TAFA2: variants seen among roughly 807,000 people sequenced by gnomAD.
The protein encoded by TAFA2 is chemokine-like protein TAFA-2.
Under a neutral mutation model 18.8 loss-of-function variants are expected in TAFA2, and 7 were observed. The ratio of observed to expected loss-of-function variants is 0.37; its 90% CI spans 0.21 to 0.70. The LOEUF (loss-of-function observed/expected upper bound fraction) is 0.70, where lower values mean the gene tolerates loss of function less well. Among genes scored for constraint, TAFA2 ranks in the 30% least tolerant of loss-of-function variants. TAFA2 has a pLI of 0.53. For missense variants in TAFA2, 122 were observed against 158.1 expected, an observed-to-expected ratio of 0.77 and a Z score of 1.23; for synonymous variants, 60 against 54.2, an observed-to-expected ratio of 1.11 and a Z score of -0.47.
chr12:61,783,975 G>A (rs2120895399), intron 2 of TAFA2, among the ~76,000 whole-genome samples: 1 of 151,620 alleles, frequency 6.6e-6, no homozygotes, highest in Non-Finnish European at 1.5e-5. Context: ...ATCAGATGAT[G>A]TATAAGTGGA....
intron 1 of TAFA2, 117 bp from the exon 2 acceptor site, chr12:61,867,543 G>A: frequency 3.3e-6 from 2 of 608,416 alleles, no homozygotes; most frequent in South Asian, 2.0e-5. Flanking sequence ...TCTGAAAACT[G>A]TATTTCTTGT....
rs187230168 is a variant in TAFA2, at chr12:61,785,753, C to T, written c.107-30729G>A. Among the ~76,000 whole-genome samples, 673 of 151,516 alleles carry T rather than the reference C, an allele frequency of 4.4e-3. 4 individuals carry two copies. The highest frequency in any genetic ancestry group is 8.2e-3 in the Non-Finnish European group (555 of 67,684). ...AAAAATTAATGTCTTATATATATGA[C>T]CATAAGCATGCTCTATGATGTTCAC... On this transcript the variant is annotated intron_variant, in intron 2 of 4. Transcript: ENST00000416284.
rs1029638977 is a variant in TAFA2 at position 61,883,868 on chromosome 12, A to G, written c.-1-16442T>C. 3.3e-5 allele frequency among the ~76,000 whole-genome samples: 5 copies of G among 152,214 alleles called. No individual in the cohort carries two copies. In the East Asian group the frequency reaches 7.7e-4, roughly 23 times the overall value. On this transcript the variant is annotated intron_variant, in intron 1 of 4. Transcript: ENST00000416284. ...TGACCTTCTCAAATCCTTGAGTTGG[A>G]AAAACTCATGACTGAATGAACAGAT...
chr12:61,995,599 G>A (rs1482684342), intron 1 of TAFA2, among the ~76,000 whole-genome samples: 1 of 152,052 alleles, frequency 6.6e-6, no homozygotes, highest in Non-Finnish European at 1.5e-5. Context: ...GGTTCATAGG[G>A]TACTCAGCAA....
intron 2 of TAFA2, among the ~76,000 whole-genome samples, chr12:61,793,343 A>G (rs77030507): frequency 4.7e-4 from 71 of 151,600 alleles, no homozygotes; most frequent in African/African-American, 1.3e-3. Context: ...ATTCAATAAA[A>G]TTCATAAACT....
intron 4 of TAFA2, among the ~76,000 whole-genome samples, chr12:61,721,727 G>T (rs562947641): frequency 3.9e-5 from 6 of 152,174 alleles, no homozygotes; most frequent in African/African-American, 1.4e-4. Context: ...AGGCCAACGC[G>T]GGTGGATCAC....
chr12:62,156,654 G>C (rs561771003), intron 1 of TAFA2, among the ~76,000 whole-genome samples: 91 of 152,188 alleles, frequency 6.0e-4, no homozygotes, highest in African/African-American at 2.1e-3. Flanking sequence ...CATTTGCAGC[G>C]ACCTGGATGA....
intron 2 of TAFA2, among the ~76,000 whole-genome samples, chr12:61,861,354 G>A (rs1874120679): frequency 6.7e-6 from 1 of 150,160 alleles, no homozygotes; most frequent in Non-Finnish European, 1.5e-5. Flanking sequence ...CTTGAAAGCA[G>A]TCCTCCCGCC....
chr12:61,844,473 T>G (rs552265490), intron 2 of TAFA2, among the ~76,000 whole-genome samples: 3 of 152,142 alleles, frequency 2.0e-5, no homozygotes, highest in Non-Finnish European at 4.4e-5. Context: ...TTTCAAATGA[T>G]TATTAATTCT....
At chr12:61,957,524 C>T (rs10877770) in intron 1 of TAFA2, among the ~76,000 whole-genome samples, 2,323 of 152,112 alleles carry the variant, frequency 0.015, 50 homozygotes, top group African/African-American at 0.053. Context: ...GGTTAGATAT[C>T]AAAGTTGATC....
At chr12:62,025,025 C>T (rs1026641991) in intron 1 of TAFA2, among the ~76,000 whole-genome samples, 1 of 152,136 alleles carries the variant, frequency 6.6e-6, no homozygotes, top group African/African-American at 2.4e-5. Flanking sequence ...ATTAATTCAG[C>T]CATTGTGGAA....
At chr12:62,212,477 C>T (rs2062718126) in intron 1 of TAFA2, among the ~76,000 whole-genome samples, 1 of 152,202 alleles carries the variant, frequency 6.6e-6, no homozygotes, top group Non-Finnish European at 1.5e-5. Context: ...GGAATAACTC[C>T]TTTCTGCCCC....
chr12:62,105,860 C>T (rs1869425358), intron 1 of TAFA2, among the ~76,000 whole-genome samples: 1 of 152,154 alleles, frequency 6.6e-6, no homozygotes, highest in Non-Finnish European at 1.5e-5. Flanking sequence ...TGAGACCTTT[C>T]TTTAGAGGGC....
chr12:61,892,151 C>T (rs762523473), intron 1 of TAFA2, among the ~76,000 whole-genome samples: 3 of 151,572 alleles, frequency 2.0e-5, no homozygotes, highest in Non-Finnish European at 2.9e-5. Flanking sequence ...GACCTTAGAA[C>T]TTGGTCAGAG....
At chr12:61,787,671 G>A (rs1235650722) in intron 2 of TAFA2, among the ~76,000 whole-genome samples, 1 of 151,296 alleles carries the variant, frequency 6.6e-6, no homozygotes, top group Non-Finnish European at 1.5e-5. Context: ...TTAGTTTCAT[G>A]GTAACCACAA....
At chr12:62,032,009 C>T (rs181180122) in intron 1 of TAFA2, among the ~76,000 whole-genome samples, 1 of 152,252 alleles carries the variant, frequency 6.6e-6, no homozygotes, top group African/African-American at 2.4e-5. Context: ...CCCTGCTTGC[C>T]TCCTATTATC....
intron 4 of TAFA2, among the ~76,000 whole-genome samples, chr12:61,751,727 A>G (rs1168880441): frequency 6.6e-6 from 1 of 151,960 alleles, no homozygotes; most frequent in East Asian, 1.9e-4. Context: ...GATTTTCCCT[A>G]CTCATGAGTT....
At chr12:62,134,938 C>T (rs1565756157) in intron 1 of TAFA2, among the ~76,000 whole-genome samples, 2 of 151,994 alleles carry the variant, frequency 1.3e-5, no homozygotes, top group Non-Finnish European at 2.9e-5. Context: ...CTGATCTCAT[C>T]TCCTTTACCT....
intron 1 of TAFA2, among the ~76,000 whole-genome samples, chr12:62,186,144 G>A (rs919159326): frequency 1.3e-5 from 2 of 152,108 alleles, no homozygotes; most frequent in African/African-American, 4.8e-5. Context: ...GAAAGTCAAA[G>A]TGTTTTTCTT....
Sources: gnomAD v4.1 joint callset for allele counts (sites outside exome capture counted in the v4.1 genomes callset) on GRCh38, gnomAD v4.1.1 for gene constraint, MANE v1.5 for transcripts, NCBI Gene and HGNC (gene_info 2026-07-23, HGNC 2026-07-21) for gene names.